Variants in ABCC12 observed in about 807,000 individuals in gnomAD.
The protein encoded by ABCC12 is ATP binding cassette subfamily C member 12.
ABCC12 carries 142 observed loss-of-function variants against 151.1 expected under a neutral mutation model. The observed-to-expected ratio is 0.94, with a 90% CI of 0.82 to 1.08. ABCC12 has a LOEUF of 1.08. ABCC12 is among the 50% of genes least tolerant of loss of function. The pLI, the probability that ABCC12 is intolerant of heterozygous loss-of-function variation, is 0.00. For missense variants in ABCC12, 1,638 were observed against 1,691.1 expected (o/e 0.97, Z 0.55); for synonymous variants, 645 against 646.4 (o/e 1.00, Z 0.03).
At chr16:48,140,569 G>T in intron 6 of ABCC12, 118 bp downstream of exon 6, 1 of 944,948 alleles carries the variant, frequency 1.1e-6, no homozygotes, top group Non-Finnish European at 1.6e-6. Flanking sequence ...GGGACATGAT[G>T]GGCAGGTCAT....
intron 24 of ABCC12, 50 bp from the exon 25 acceptor site, chr16:48,091,259 G>A: frequency 1.3e-6 from 2 of 1,533,588 alleles, no homozygotes; most frequent in Non-Finnish European, 1.8e-6. Flanking sequence ...CCTCCTTCGG[G>A]TTCTGCAGCT....
At chr16:48,110,543 G>A (rs1335087066) in intron 18 of ABCC12, among the ~76,000 whole-genome samples, 1 of 152,146 alleles carries the variant, frequency 6.6e-6, no homozygotes, top group Non-Finnish European at 1.5e-5. Context: ...GATGTGGAGT[G>A]AATGAAGGCA....
chr16:48,140,856 A>G lies in ABCC12; in HGVS notation c.488T>C (p.Ile163Thr), dbSNP rs761074820. ...GGCAAAAAGGGCTATGCACAGTCCA[A>G]TGCCAACCCAGACTTTCCCAGAGGT... ...ERTSGKVWVG[I>T]GLCIALFATE... Residue 163 changes from isoleucine (I) to threonine (T), a missense_variant, in exon 6 of 31, where the codon ATT becomes ACT. Physicochemically the swap from Ile to Thr is moderately conservative, Grantham distance 89. Coordinates refer to ENST00000311303, the MANE Select transcript of ABCC12 (RefSeq NM_001393797.1). The G allele has an allele frequency of 4.9e-5, 79 of 1,614,078 alleles. No individual in the cohort carries two copies. Among genetic ancestry groups the G allele is most frequent in the South Asian group, 2.1e-4 (19 of 91,086 alleles).
In ABCC12 at chr16:48,107,332, T is replaced by G; in HGVS notation, c.2465A>C (p.Lys822Thr). The G allele has an allele frequency of 6.2e-7, 1 of 1,614,058 alleles. No homozygotes were observed. The highest frequency in any genetic ancestry group is 8.5e-7 in the Non-Finnish European group (1 of 1,179,978). ...SNWWLGLWLD[K>T]GSRMTCGPQG... ...CAAAGGGAAACTCACCCGTGAGCCCTTGTCCAACCAGAGACCCAGCCACCA... is the reference window on the plus strand; with the variant it reads ...CAAAGGGAAACTCACCCGTGAGCCCGTGTCCAACCAGAGACCCAGCCACCA... Residue 822 changes from lysine to threonine, a missense_variant, in exon 20 of 31, where the codon AAG (lysine) becomes ACG (threonine). Lys to Thr is a moderately conservative substitution (Grantham distance 78). Coordinates refer to ENST00000311303, the MANE Select transcript of ABCC12 (RefSeq NM_001393797.1).
chr16:48,103,926 G>A (rs958369587), intron 22 of ABCC12, among the ~76,000 whole-genome samples: 46 of 152,190 alleles, frequency 3.0e-4, no homozygotes, highest in African/African-American at 1.1e-3. Context: ...CTTGGCCTGG[G>A]ACCAGTGCCG....
rs16945831 is a variant in ABCC12, at chr16:48,121,534, C to T, written c.1712+182G>A. 0.022 allele frequency: 15,777 copies of T among 714,798 alleles called. 1,883 individuals carry two copies. The African/African-American group carries it at 0.26, about 12-fold the overall frequency. 44.3% of individuals were successfully genotyped at this position (714,798 alleles called of 1,614,324 possible). Reference sequence around the variant, plus strand: ...TGTGCAGTCGCAGGTCTGCAGAAGTCGCCTCTCCTGAACGCTTGGCTCAGG... The same window carrying T: ...TGTGCAGTCGCAGGTCTGCAGAAGTTGCCTCTCCTGAACGCTTGGCTCAGG... On this transcript the variant is annotated intron_variant, in intron 13 of 30. Coordinates refer to ENST00000311303, the MANE Select transcript of ABCC12 (RefSeq NM_001393797.1).
In ABCC12 at chr16:48,085,633, T is replaced by G; in HGVS notation, c.3788A>C (p.Gln1263Pro). The G allele has an allele frequency of 1.2e-6, 2 of 1,614,198 alleles. No individual in the cohort carries two copies. The highest frequency in any genetic ancestry group is 4.5e-5 in the East Asian group (2 of 44,884). Residue 1263 changes from glutamine to proline, a missense_variant, in exon 29 of 31, where the codon CAG becomes CCG. Gln to Pro is a moderately conservative substitution (Grantham distance 76). Transcript: ENST00000311303. ...AAGAGCTCGGGCCACACAAAGCAGC[T>G]GACGTTCCCCTACTGAGAAGTTTTC... Reference protein sequence around the residue: ...NGENFSVGERQLLCVARALLR... With the variant: ...NGENFSVGERPLLCVARALLR...
chr16:48,128,445 C>T lies in ABCC12; in HGVS notation c.1515+14G>A, dbSNP rs1369475750. On this transcript the variant is annotated intron_variant, in intron 11 of 30. Transcript: ENST00000311303. ...AGGAGGGCTGGAGGCCACACCTGTG[C>T]AACACACACCCACCTTTCTCACCAC... 1 of 1,612,798 alleles carries T rather than the reference C, an allele frequency of 6.2e-7. No individual in the cohort carries two copies. Among genetic ancestry groups the T allele is most frequent in the Non-Finnish European group, 8.5e-7 (1 of 1,178,996 alleles).
chr16:48,113,849 G>A (rs1447332095), intron 15 of ABCC12, among the ~76,000 whole-genome samples: 1 of 152,164 alleles, frequency 6.6e-6, no homozygotes, highest in Non-Finnish European at 1.5e-5. Context: ...CCCCTCATGA[G>A]GACTCCTGGA....
At chr16:48,092,005 C>A (rs1962918964) in intron 24 of ABCC12, among the ~76,000 whole-genome samples, 1 of 152,140 alleles carries the variant, frequency 6.6e-6, no homozygotes, top group Admixed American at 6.5e-5. Flanking sequence ...GACGTGAAGG[C>A]AGAGGCAGAG....
chr16:48,138,256 C>T lies in ABCC12; in HGVS notation c.951G>A (p.Trp317Ter). Reference sequence around the variant, plus strand: ...GGATAGTGTTGGTAAAAGATTTCTCCCAGGCATACATTTTGATCAGCCTGA... The same window carrying T: ...GGATAGTGTTGGTAAAAGATTTCTCTCAGGCATACATTTTGATCAGCCTGA... ...TCIRLIKMYA[W>*]EKSFTNTIQD... Residue 317 changes from tryptophan (W) to a stop codon, truncating the protein, a stop_gained, in exon 8 of 31, where the codon TGG becomes TGA. Coordinates refer to ENST00000311303, the MANE Select transcript of ABCC12 (RefSeq NM_001393797.1). LOFTEE classifies it high-confidence loss of function. 1 of 1,610,884 alleles carries T rather than the reference C, an allele frequency of 6.2e-7. No homozygotes were observed. Among genetic ancestry groups the T allele is most frequent in the Non-Finnish European group, 8.5e-7 (1 of 1,177,524 alleles).
At position 48,082,999 on chromosome 16, in the gene ABCC12, T is replaced by C. The variant is rs1019039794; in HGVS notation, c.*716A>G. Reference sequence around the variant, plus strand: ...GGCAACAAGGGTCTATTGGAGGAAATAGTATGGAAATTGGAATATCTTCAG... The same window carrying C: ...GGCAACAAGGGTCTATTGGAGGAAACAGTATGGAAATTGGAATATCTTCAG... On this transcript the variant is annotated 3_prime_UTR_variant, in exon 31 of 31. Coordinates refer to ENST00000311303, the MANE Select transcript of ABCC12 (RefSeq NM_001393797.1). 2.0e-5 allele frequency: 3 copies of C among 152,162 alleles called. No individual in the cohort carries two copies. The highest frequency in any genetic ancestry group is 4.4e-5 in the Non-Finnish European group (3 of 68,034). 9.4% of individuals were successfully genotyped at this position (152,162 alleles called of 1,614,324 possible).
intron 14 of ABCC12, 74 bp from the exon 15 acceptor site, chr16:48,115,692 G>A (rs1597313194): frequency 6.2e-6 from 9 of 1,452,454 alleles, no homozygotes; most frequent in Non-Finnish European, 7.4e-6. Context: ...GCTTCCTGGA[G>A]CTTCTCAGGA....
rs767730989 is a variant in ABCC12 at position 48,130,940 on chromosome 16, C to T, written c.1129-45G>A. The T allele has an allele frequency of 2.5e-5, 36 of 1,416,394 alleles. No homozygotes were observed. The Admixed American group carries it at 4.5e-4, about 18-fold the overall frequency. The allele number at this position is 1,416,394 out of a possible 1,614,324, so 87.7% of individuals were successfully genotyped here. On this transcript the variant is annotated intron_variant, in intron 9 of 30. Transcript: ENST00000311303. ...TATGAGGGTTTAGAAGGAGAAGTCACGTTGGCTCTAAACCGTTATACACAT... is the reference window on the plus strand; with the variant it reads ...TATGAGGGTTTAGAAGGAGAAGTCATGTTGGCTCTAAACCGTTATACACAT...
At chr16:48,136,574 A>G (rs562497946) in intron 8 of ABCC12, among the ~76,000 whole-genome samples, 6 of 152,362 alleles carry the variant, frequency 3.9e-5, no homozygotes, top group African/African-American at 1.4e-4. Flanking sequence ...TGGGATAGAT[A>G]GACAAGAAAG....
intron 2 of ABCC12, among the ~76,000 whole-genome samples, chr16:48,151,498 A>G (rs1965116904): frequency 6.6e-6 from 1 of 152,234 alleles, no homozygotes; most frequent in South Asian, 2.1e-4. Flanking sequence ...AAGTATAAAT[A>G]TTAGTTAACA....
intron 9 of ABCC12, among the ~76,000 whole-genome samples, chr16:48,131,781 C>T (rs1964434704): frequency 6.6e-6 from 1 of 152,156 alleles, no homozygotes; most frequent in South Asian, 2.1e-4. Flanking sequence ...ATGGACACGG[C>T]CCCAGGCTTC....
intron 4 of ABCC12, among the ~76,000 whole-genome samples, chr16:48,142,294 G>A (rs1053447165): frequency 2.6e-5 from 4 of 152,226 alleles, no homozygotes; most frequent in Non-Finnish European, 4.4e-5. Flanking sequence ...TCAGAGTCTG[G>A]AAGTGGGCTG....
chr16:48,083,654 A>G lies in ABCC12; in HGVS notation c.*61T>C, dbSNP rs985997407. ...GCGGAGAGGACAGCCCCTCCTCCTG[A>G]AGACTCCTCCTATTCATCTCACAGA... is the stretch of plus-strand genomic sequence containing the variant. On this transcript the variant is annotated 3_prime_UTR_variant, in exon 31 of 31. Transcript: ENST00000311303. 1 of 1,556,474 alleles carries G rather than the reference A, an allele frequency of 6.4e-7. No individual in the cohort carries two copies. Among genetic ancestry groups the G allele is most frequent in the Non-Finnish European group, 8.8e-7 (1 of 1,133,940 alleles).
Sources: allele counts gnomAD v4.1 joint callset (sites outside exome capture counted in the v4.1 genomes callset), GRCh38; gene constraint gnomAD v4.1.1; transcripts MANE v1.5; gene names NCBI Gene and HGNC (gene_info 2026-07-23, HGNC 2026-07-21).